The following FBLN2 variants were observed in gnomAD, a reference collection of about 807,000 sequenced individuals.
FBLN2 encodes fibulin-2.
Under a neutral mutation model 123.7 loss-of-function variants are expected in FBLN2, and 81 were observed. The observed-to-expected ratio is 0.65, with a 90% CI of 0.55 to 0.79. The LOEUF (loss-of-function observed/expected upper bound fraction) is 0.79. Ranked by LOEUF, FBLN2 falls within the 30% of genes least tolerant of loss-of-function variation. The pLI is 0.00. For missense variants in FBLN2, 1,603 were observed against 1,681.3 expected (o/e 0.95, Z 0.81); for synonymous variants, 699 against 701.4 (o/e 1.00, Z 0.05).
At chr3:13,610,966 GGT>G (rs1371982579) in intron 4 of FBLN2, among the ~76,000 whole-genome samples, 2 of 151,148 alleles carry the variant, frequency 1.3e-5, no homozygotes, top group African/African-American at 2.5e-5. Flanking sequence ...GGAGTGCAGT[GGT>G]ACGATCTCGT....
At chr3:13,557,345 G>A (rs745388250) in intron 1 of FBLN2, among the ~76,000 whole-genome samples, 7 of 152,228 alleles carry the variant, frequency 4.6e-5, no homozygotes, top group Non-Finnish European at 1.0e-4. Flanking sequence ...ACAAGAAGGT[G>A]GTTCTTCTTT....
At chr3:13,628,076 A>G (rs1706112430) in intron 11 of FBLN2, 107 bp downstream of exon 11, 17 of 1,396,804 alleles carry the variant, frequency 1.2e-5, no homozygotes, top group Non-Finnish European at 1.7e-5. Context: ...TTGCTGCTCC[A>G]TTCCTCTCCC....
intron 1 of FBLN2, among the ~76,000 whole-genome samples, chr3:13,567,817 G>T (rs925022629): frequency 2.6e-5 from 4 of 152,284 alleles, no homozygotes; most frequent in African/African-American, 9.6e-5. Context: ...AATTAGCTGG[G>T]TGTAGTGGTG....
chr3:13,550,642 A>C (rs1172212748), intron 1 of FBLN2, among the ~76,000 whole-genome samples: 1 of 152,072 alleles, frequency 6.6e-6, no homozygotes, highest in Non-Finnish European at 1.5e-5. Flanking sequence ...TTTGTGGCTG[A>C]TAGGGGCTCT....
chr3:13,636,790 C>T (rs1024010252), intron 17 of FBLN2, among the ~76,000 whole-genome samples: 2 of 152,352 alleles, frequency 1.3e-5, no homozygotes, highest in East Asian at 3.9e-4. Context: ...AACACCAGCC[C>T]TCTTCCTCAT....
chr3:13,630,869 T>G (rs899482403), intron 15 of FBLN2, 54 bp downstream of exon 15: 19 of 1,384,296 alleles, frequency 1.4e-5, no homozygotes, highest in Admixed American at 2.0e-5. Flanking sequence ...CTTTCCCTTG[T>G]GCCAGGCTCC....
At chr3:13,575,936 TG>T (rs998580269) in intron 2 of FBLN2, among the ~76,000 whole-genome samples, 25 of 152,280 alleles carry the variant, frequency 1.6e-4, no homozygotes, top group Non-Finnish European at 2.1e-4. Flanking sequence ...AATAGGGAGA[TG>T]GAGCCTACCT....
At chr3:13,572,647 C>G (rs779836240) in intron 2 of FBLN2, among the ~76,000 whole-genome samples, 5 of 152,252 alleles carry the variant, frequency 3.3e-5, no homozygotes, top group Non-Finnish European at 5.9e-5. Flanking sequence ...TCTTGCCCAT[C>G]CATGCCTGCT....
chr3:13,609,688 G>GGGGGGGGGGC, intron 4 of FBLN2, 46 bp downstream of exon 4: 23 of 512,574 alleles, frequency 4.5e-5, no homozygotes, highest in East Asian at 1.3e-4. Flanking sequence ...GTGGGGCGGG[G>GGGGGGGGGGC]CGGGAGGCTG....
chr3:13,637,958 A>T lies in FBLN2; in HGVS notation c.*39A>T. 1 of 1,519,618 alleles carries T rather than the reference A, an allele frequency of 6.6e-7. No homozygotes were observed. Among genetic ancestry groups the T allele is most frequent in the Non-Finnish European group, 8.9e-7 (1 of 1,119,572 alleles). The allele number at this position is 1,519,618 out of a possible 1,614,324, so 94.1% of individuals were successfully genotyped here. A position where few individuals can be genotyped will look rare whatever the true frequency, so the allele number is the denominator to read the frequency against. On this transcript the variant is annotated 3_prime_UTR_variant, in exon 18 of 18. Coordinates refer to ENST00000404922, the MANE Select transcript of FBLN2 (RefSeq NM_001004019.2). ...GCCACCTGCGGGTGTGGCGCAGCCC[A>T]GGGCTCACACTGCGTGGGAGGGACT...
intron 2 of FBLN2, among the ~76,000 whole-genome samples, chr3:13,585,652 G>T (rs1345380095): frequency 6.6e-6 from 1 of 152,156 alleles, no homozygotes; most frequent in Non-Finnish European, 1.5e-5. Context: ...TGGGCTGGGC[G>T]TGGTGGCTTA....
At chr3:13,589,740 A>C (rs1037584565) in intron 2 of FBLN2, among the ~76,000 whole-genome samples, 1 of 152,218 alleles carries the variant, frequency 6.6e-6, no homozygotes, top group Admixed American at 6.5e-5. Context: ...CTAATACTCC[A>C]ACTATATTAA....
At chr3:13,572,353 C>T (rs944043943) in intron 2 of FBLN2, among the ~76,000 whole-genome samples, 3 of 152,250 alleles carry the variant, frequency 2.0e-5, no homozygotes, top group Non-Finnish European at 4.4e-5. Flanking sequence ...CCCATCAGTC[C>T]TTCCAGCAGC....
At position 13,570,652 on chromosome 3, in the gene FBLN2, C is replaced by G; in HGVS notation, c.297C>G (p.Ser99=). ...YFVDFGSTEC[S]CPPGGGKISC... is the part of the protein sequence containing the mutation. ...TGGACTTCGGGAGCACTGAGTGCTCCTGCCCACCAGGCGGCGGCAAGATCA... is the reference window on the plus strand; with the variant it reads ...TGGACTTCGGGAGCACTGAGTGCTCGTGCCCACCAGGCGGCGGCAAGATCA... The change falls in exon 2 of 18, where the codon TCC becomes TCG. Residue 99 remains serine (S), a synonymous_variant. Transcript: ENST00000404922. 1 of 1,584,486 alleles carries G rather than the reference C, an allele frequency of 6.3e-7. No homozygotes were observed. Among genetic ancestry groups the G allele is most frequent in the Non-Finnish European group, 8.6e-7 (1 of 1,166,846 alleles).
intron 2 of FBLN2, among the ~76,000 whole-genome samples, chr3:13,578,725 G>A (rs1239299452): frequency 6.6e-6 from 1 of 152,136 alleles, no homozygotes; most frequent in Admixed American, 6.6e-5. Flanking sequence ...GCATTGCTGG[G>A]CCACATGGTA....
intron 2 of FBLN2, among the ~76,000 whole-genome samples, chr3:13,589,770 A>C (rs559106412): frequency 1.3e-4 from 20 of 152,296 alleles, no homozygotes; most frequent in Middle Eastern, 3.4e-3. Flanking sequence ...TCTTCTTCCC[A>C]AAGGGTACCG....
chr3:13,621,953 T>C, intron 9 of FBLN2, 38 bp downstream of exon 9: 1 of 1,599,864 alleles, frequency 6.3e-7, no homozygotes, highest in Non-Finnish European at 8.5e-7. Flanking sequence ...CCGTCACAGC[T>C]CTCCGCTCTG....
rs557870742 is a variant in FBLN2, at chr3:13,633,643, G to T, written c.3214+2186G>T. Among the ~76,000 whole-genome samples, 3 of 152,214 alleles carry T rather than the reference G, an allele frequency of 2.0e-5. No homozygotes were observed. In the South Asian group the frequency reaches 6.2e-4, roughly 31 times the overall value. ...GAGGTCTCTCGGCTCAAACAGGGTGGGGGGAGGCTGGCTTGGGGGAAAGAA... is the reference window on the plus strand; with the variant it reads ...GAGGTCTCTCGGCTCAAACAGGGTGTGGGGAGGCTGGCTTGGGGGAAAGAA... On this transcript the variant is annotated intron_variant, in intron 16 of 17. Coordinates refer to ENST00000404922, the MANE Select transcript of FBLN2 (RefSeq NM_001004019.2).
chr3:13,621,854 T>A lies in FBLN2; in HGVS notation c.2235T>A (p.Cys745Ter). The A allele has an allele frequency of 6.2e-7, 1 of 1,614,008 alleles. No homozygotes were observed. Among genetic ancestry groups the A allele is most frequent in the Non-Finnish European group, 8.5e-7 (1 of 1,179,868 alleles). The change falls in exon 9 of 18, where the codon TGT becomes TGA. Residue 745 changes from cysteine to a stop codon, truncating the protein, a stop_gained. Coordinates refer to ENST00000404922, the MANE Select transcript of FBLN2 (RefSeq NM_001004019.2). LOFTEE classifies it high-confidence loss of function. Reference protein sequence around the residue: ...FCVNTLGSFYCVNHTVLCADG... With the variant: ...FCVNTLGSFY ...TGAACACCCTGGGATCCTTCTACTG[T>A]GTCAACCACACAGTGCTCTGTGCCG...
Sources: gnomAD v4.1 joint callset for allele counts (sites outside exome capture counted in the v4.1 genomes callset) on GRCh38, gnomAD v4.1.1 for gene constraint, MANE v1.5 for transcripts, NCBI Gene and HGNC (gene_info 2026-07-23, HGNC 2026-07-21) for gene names.